Variants in TAS2R1 observed in about 807,000 individuals in gnomAD.
The protein encoded by TAS2R1 is taste 2 receptor member 1.
For missense variants in TAS2R1, 370 were observed against 353.4 expected (o/e 1.05, Z -0.38); for synonymous variants, 141 against 134.2 (o/e 1.05, Z -0.35).
chr5:9,777,727 T>C, the TAS2R1 span, among the ~76,000 whole-genome samples: 1 of 152,228 alleles, frequency 6.6e-6, no homozygotes, highest in Non-Finnish European at 1.5e-5. Context: ...AGCTATAGCC[T>C]TATGAAAACA....
chr5:9,791,616 T>C, the TAS2R1 span, among the ~76,000 whole-genome samples: 1 of 152,104 alleles, frequency 6.6e-6, no homozygotes, highest in African/African-American at 2.4e-5. Context: ...AGAGAATTGC[T>C]TGAACCCAGG....
chr5:9,828,738 C>T, the TAS2R1 span, among the ~76,000 whole-genome samples: 2 of 152,200 alleles, frequency 1.3e-5, no homozygotes, highest in African/African-American at 4.8e-5. Flanking sequence ...CTGAATGATA[C>T]AGTTGAATTC....
chr5:9,792,716 G>A, the TAS2R1 span, among the ~76,000 whole-genome samples: 1 of 152,030 alleles, frequency 6.6e-6, no homozygotes, highest in African/African-American at 2.4e-5. Flanking sequence ...AATCTCATGG[G>A]GAAAGTGGTA....
the TAS2R1 span, among the ~76,000 whole-genome samples, chr5:9,866,019 C>T: frequency 5.6e-4 from 85 of 152,180 alleles, no homozygotes; most frequent in South Asian, 2.9e-3. Context: ...TACAATTATA[C>T]CTGAAATTCA....
At chr5:9,723,753 G>A in the TAS2R1 span, among the ~76,000 whole-genome samples, 5 of 152,248 alleles carry the variant, frequency 3.3e-5, no homozygotes, top group African/African-American at 9.6e-5. Context: ...CTCATCAGGG[G>A]TGAATGCACC....
At chr5:9,758,165 A>G in the TAS2R1 span, among the ~76,000 whole-genome samples, 1 of 152,164 alleles carries the variant, frequency 6.6e-6, no homozygotes, top group Non-Finnish European at 1.5e-5. Context: ...AAACTCTAAG[A>G]ATATTTGATT....
intron 1 of TAS2R1, among the ~76,000 whole-genome samples, chr5:9,663,811 G>A (rs1430372655): frequency 6.6e-6 from 1 of 152,196 alleles, no homozygotes; most frequent in Non-Finnish European, 1.5e-5. Flanking sequence ...ACCCAGGTAA[G>A]CCCTACATCC....
the TAS2R1 span, among the ~76,000 whole-genome samples, chr5:9,876,638 G>A: frequency 6.6e-6 from 1 of 152,200 alleles, no homozygotes; most frequent in African/African-American, 2.4e-5. Flanking sequence ...CTTGCCAAAT[G>A]TATTTTGCAG....
upstream of TAS2R1, among the ~76,000 whole-genome samples, chr5:9,633,406 C>G (rs1739914596): frequency 6.6e-6 from 1 of 150,454 alleles, no homozygotes; most frequent in African/African-American, 2.5e-5. Context: ...CTGCTATAAA[C>G]ATGCATGTGC....
At chr5:9,795,327 T>G in the TAS2R1 span, among the ~76,000 whole-genome samples, 3 of 152,108 alleles carry the variant, frequency 2.0e-5, no homozygotes, top group African/African-American at 4.8e-5. Flanking sequence ...TCTAGGAGAC[T>G]TTTTCCCCTT....
chr5:9,762,270 C>CTA, the TAS2R1 span, among the ~76,000 whole-genome samples: 1 of 152,098 alleles, frequency 6.6e-6, no homozygotes, highest in African/African-American at 2.4e-5. Flanking sequence ...TAAAAGACCC[C>CTA]TATGTAGCAA....
At chr5:9,639,829 A>G (rs1417226480) in intron 2 of TAS2R1, among the ~76,000 whole-genome samples, 1 of 152,170 alleles carries the variant, frequency 6.6e-6, no homozygotes, top group Non-Finnish European at 1.5e-5. Flanking sequence ...ACAATTGATG[A>G]GAGTTAGAGC....
chr5:9,703,955 T>C (rs1005630018), intron 1 of TAS2R1, among the ~76,000 whole-genome samples: 1 of 152,254 alleles, frequency 6.6e-6, no homozygotes, highest in Non-Finnish European at 1.5e-5. Flanking sequence ...TTTGCAGTAA[T>C]AGAAACTGAT....
At chr5:9,894,697 G>C in the TAS2R1 span, among the ~76,000 whole-genome samples, 1 of 152,238 alleles carries the variant, frequency 6.6e-6, no homozygotes, top group Admixed American at 6.5e-5. Flanking sequence ...GTCACCTAGA[G>C]ATGCTAAGGA....
At chr5:9,715,190 C>T (rs1361850421), upstream of TAS2R1, among the ~76,000 whole-genome samples, 1 of 152,164 alleles carries the variant, frequency 6.6e-6, no homozygotes, top group Non-Finnish European at 1.5e-5. Context: ...AAGAACTAAA[C>T]GTGTGTGTGT....
the TAS2R1 span, among the ~76,000 whole-genome samples, chr5:9,823,083 G>T: frequency 6.7e-6 from 1 of 148,944 alleles, no homozygotes; most frequent in Non-Finnish European, 1.5e-5. Context: ...CAGGACTTAT[G>T]TTTTTCAAGA....
the TAS2R1 span, among the ~76,000 whole-genome samples, chr5:9,891,320 C>T: frequency 6.6e-6 from 1 of 152,002 alleles, no homozygotes; most frequent in Non-Finnish European, 1.5e-5. Context: ...ATTTCATGTT[C>T]TTTCATTTTG....
chr5:9,656,412 T>A (rs1330559946), intron 2 of TAS2R1, among the ~76,000 whole-genome samples: 1 of 152,162 alleles, frequency 6.6e-6, no homozygotes, highest in Admixed American at 6.5e-5. Flanking sequence ...CATGATTACG[T>A]CCAAGATCTG....
the TAS2R1 span, among the ~76,000 whole-genome samples, chr5:9,757,777 G>T: frequency 1.3e-5 from 2 of 152,070 alleles, no homozygotes; most frequent in Non-Finnish European, 2.9e-5. Flanking sequence ...ACCACTGATA[G>T]AAAAGTTTGT....
Sources: gnomAD v4.1 joint callset for allele counts (sites outside exome capture counted in the v4.1 genomes callset) on GRCh38, gnomAD v4.1.1 for gene constraint, MANE v1.5 for transcripts, NCBI Gene and HGNC (gene_info 2026-07-23, HGNC 2026-07-21) for gene names.